NCAM1: variants seen among roughly 807,000 people sequenced by gnomAD.
NCAM1 encodes the protein neural cell adhesion molecule 1.
A neutral mutation model predicts 109.8 loss-of-function variants in NCAM1; 14 were observed. The ratio of observed to expected loss-of-function variants is 0.13; its 90% CI spans 0.08 to 0.20. The LOEUF (loss-of-function observed/expected upper bound fraction) is 0.20, where lower values mean the gene tolerates loss of function less well. NCAM1 is among the 10% of genes least tolerant of loss of function. NCAM1 has a pLI of 1.00. For synonymous variants in NCAM1, 418 were observed against 442.9 expected, an observed-to-expected ratio of 0.94 and a Z score of 0.70; for missense variants, 774 against 1,109.9, an observed-to-expected ratio of 0.70 and a Z score of 4.30.
At chr11:112,992,463 T>G (rs1951484777) in intron 1 of NCAM1, among the ~76,000 whole-genome samples, 1 of 151,646 alleles carries the variant, frequency 6.6e-6, no homozygotes, top group African/African-American at 2.4e-5. Context: ...TACTGAGATA[T>G]CTCCTCTAAA....
At chr11:113,232,488 C>A in intron 11 of NCAM1, 134 bp downstream of exon 11, 2 of 995,426 alleles carry the variant, frequency 2.0e-6, no homozygotes, top group Non-Finnish European at 2.9e-6. Flanking sequence ...CTAGAGAAGA[C>A]ACTGAGCCTC....
intron 1 of NCAM1, among the ~76,000 whole-genome samples, chr11:113,037,230 A>G (rs1952916258): frequency 6.6e-6 from 1 of 152,198 alleles, no homozygotes; most frequent in African/African-American, 2.4e-5. Context: ...GGACGTTATT[A>G]TCAGCCACCT....
intron 15 of NCAM1, among the ~76,000 whole-genome samples, chr11:113,253,153 A>G (rs1945738080): frequency 6.6e-6 from 1 of 152,130 alleles, no homozygotes. Context: ...AAGATAAGAG[A>G]GTACTTTCAT....
chr11:113,052,323 T>A (rs1204375879), intron 1 of NCAM1, among the ~76,000 whole-genome samples: 1 of 152,114 alleles, frequency 6.6e-6, no homozygotes, highest in Non-Finnish European at 1.5e-5. Context: ...TACAATGGAG[T>A]TTGAAGAACC....
intron 1 of NCAM1, among the ~76,000 whole-genome samples, chr11:112,989,567 C>G (rs1555070269): frequency 1.3e-5 from 2 of 152,092 alleles, no homozygotes; most frequent in African/African-American, 4.8e-5. Context: ...TCTCATTGAA[C>G]TTCATTAATA....
intron 1 of NCAM1, among the ~76,000 whole-genome samples, chr11:113,079,936 G>T (rs1555086864): frequency 6.6e-6 from 1 of 152,124 alleles, no homozygotes; most frequent in Non-Finnish European, 1.5e-5. Context: ...TCTTTGGAAG[G>T]CTTTGTGCAC....
At chr11:113,017,382 A>T (rs1188127045) in intron 1 of NCAM1, among the ~76,000 whole-genome samples, 2 of 152,216 alleles carry the variant, frequency 1.3e-5, no homozygotes, top group African/African-American at 4.8e-5. Flanking sequence ...TTTAGAATGT[A>T]TTTTTGAAGA....
At chr11:113,141,120 T>G (rs1008653232) in intron 1 of NCAM1, among the ~76,000 whole-genome samples, 2 of 152,190 alleles carry the variant, frequency 1.3e-5, no homozygotes, top group Non-Finnish European at 2.9e-5. Flanking sequence ...TTGGTTTAGT[T>G]AAAACTAGAA....
chr11:113,208,068 A>T, intron 7 of NCAM1, 66 bp downstream of exon 7: 1 of 1,514,410 alleles, frequency 6.6e-7, no homozygotes, highest in Non-Finnish European at 9.0e-7. Context: ...CATTCAGTCC[A>T]TCAGTAAGAC....
chr11:113,157,379 AAAC>A (rs1302683888), intron 1 of NCAM1, among the ~76,000 whole-genome samples: 3 of 152,188 alleles, frequency 2.0e-5, no homozygotes, highest in Non-Finnish European at 4.4e-5. Flanking sequence ...CAAACCAAAT[AAAC>A]AACAACTTTT....
At chr11:113,133,346 TTC>T (rs1343235071) in intron 1 of NCAM1, 52 of 152,362 alleles carry the variant, frequency 3.4e-4, no homozygotes, top group Admixed American at 3.3e-3. Flanking sequence ...TCTGACTGTT[TTC>T]TGTTTCCTCT....
chr11:113,231,351 C>T, intron 9 of NCAM1: 1 of 1,481,604 alleles, frequency 6.7e-7, no homozygotes, highest in South Asian at 1.2e-5. Flanking sequence ...CAAACAAAGT[C>T]ATCTTGGGGG....
At chr11:113,194,215 G>T (rs75115606) in intron 1 of NCAM1, among the ~76,000 whole-genome samples, 188 of 152,208 alleles carry the variant, frequency 1.2e-3, no homozygotes, top group African/African-American at 4.3e-3. Flanking sequence ...ATAAAATATC[G>T]GATAATCATC....
At chr11:112,981,625 C>T (rs1951156845) in intron 1 of NCAM1, among the ~76,000 whole-genome samples, 1 of 151,800 alleles carries the variant, frequency 6.6e-6, no homozygotes, top group African/African-American at 2.4e-5. Flanking sequence ...ACTGGAACTG[C>T]TGTAGATCAC....
rs115069981 is a variant in NCAM1 at position 113,098,313 on chromosome 11, G to A, written c.53-104066G>A. Among the ~76,000 whole-genome samples the A allele has an allele frequency of 6.3e-3, 963 of 152,262 alleles. 8 individuals carry two copies. Among genetic ancestry groups the A allele is most frequent in the African/African-American group, 0.022 (915 of 41,548 alleles). On this transcript the variant is annotated intron_variant, in intron 1 of 19. Transcript: ENST00000316851. The stretch of plus-strand genomic sequence containing the variant: ...AGAATACATGGATGCTCAAGTCCCT[G>A]ATGTAAAATGGCAATAGTATTTGCA...
intron 16 of NCAM1, among the ~76,000 whole-genome samples, chr11:113,257,221 T>C (rs1945856688): frequency 6.6e-6 from 1 of 152,214 alleles, no homozygotes; most frequent in Admixed American, 6.5e-5. Context: ...AATATACCCC[T>C]GGAAGCAGAG....
chr11:113,232,541 A>C (rs782049719), intron 11 of NCAM1, among the ~76,000 whole-genome samples, 177 bp from the exon 12 acceptor site: 1 of 152,072 alleles, frequency 6.6e-6, no homozygotes, highest in Non-Finnish European at 1.5e-5. Context: ...CCCTCCCTGA[A>C]TGTGCCTCTC....
chr11:113,006,191 G>T (rs558465684), intron 1 of NCAM1, among the ~76,000 whole-genome samples: 3 of 152,078 alleles, frequency 2.0e-5, no homozygotes, highest in Non-Finnish European at 4.4e-5. Flanking sequence ...ATATTTTCAC[G>T]CACAAGAGTC....
intron 17 of NCAM1, among the ~76,000 whole-genome samples, chr11:113,267,632 T>C (rs1332211314): frequency 2.0e-5 from 3 of 151,946 alleles, no homozygotes; most frequent in Admixed American, 6.6e-5. Context: ...GTGGGCAGAG[T>C]CTGCAGCAGA....
Sources: allele counts gnomAD v4.1 joint callset (sites outside exome capture counted in the v4.1 genomes callset), GRCh38; gene constraint gnomAD v4.1.1; transcripts MANE v1.5; gene names NCBI Gene and HGNC (gene_info 2026-07-23, HGNC 2026-07-21).